The following EIF2AK1 variants were observed in gnomAD, a reference collection of about 807,000 sequenced individuals.
The protein encoded by EIF2AK1 is eukaryotic translation initiation factor 2 alpha kinase 1, also known as eukaryotic translation initiation factor 2-alpha kinase 1.
A neutral mutation model predicts 77.9 loss-of-function variants in EIF2AK1; 54 were observed. The observed-to-expected ratio is 0.69, with a 90% CI of 0.56 to 0.87. EIF2AK1 has a LOEUF of 0.87. Among genes scored for constraint, EIF2AK1 ranks in the 40% least tolerant of loss-of-function variants. The pLI is 0.00. For missense variants in EIF2AK1, 810 were observed against 768.6 expected, an observed-to-expected ratio of 1.05 and a Z score of -0.64; for synonymous variants, 314 against 290.5, an observed-to-expected ratio of 1.08 and a Z score of -0.82.
At chr7:6,045,117 T>C (rs1223656773) in intron 6 of EIF2AK1, among the ~76,000 whole-genome samples, 1 of 152,020 alleles carries the variant, frequency 6.6e-6, no homozygotes, top group Non-Finnish European at 1.5e-5. Flanking sequence ...AAATTTTTTT[T>C]TTTTTTTTGA....
intron 4 of EIF2AK1, among the ~76,000 whole-genome samples, chr7:6,048,379 A>G (rs868782590): frequency 6.6e-5 from 10 of 152,226 alleles, no homozygotes; most frequent in African/African-American, 2.4e-4. Context: ...TGTTTTCAAG[A>G]TTCATCCATA....
chr7:6,041,045 G>C lies in EIF2AK1; in HGVS notation c.966C>G (p.Thr322=). The change falls in exon 9 of 15, where the codon ACC becomes ACG. Residue 322 remains threonine, a synonymous_variant. Transcript: ENST00000199389. ...CCAAGCCATTTTCCTGGAGCTCCAG[G>C]GTCGACTCAAGTTCACCAGATTCTC... The part of the protein sequence containing the change: ...VIRESGELES[T]LELQENGLAG... 2.5e-6 allele frequency: 4 copies of C among 1,614,052 alleles called. No homozygotes were observed. Among genetic ancestry groups the C allele is most frequent in the Non-Finnish European group, 2.5e-6 (3 of 1,180,014 alleles).
Position 6,024,782 on chromosome 7 carries a change from A to C in EIF2AK1, c.1784T>G (p.Met595Arg), listed in dbSNP as rs1787691130. The change falls in exon 15 of 15, where the codon ATG becomes AGG. Residue 595 changes from methionine to arginine, a missense_variant. Met to Arg is a moderately conservative substitution (Grantham distance 91). Around this residue, in one of 3 missense-constraint regions of EIF2AK1, gnomAD observed 549 missense variants for 533.7 expected, o/e 1.03. Coordinates refer to ENST00000199389, the MANE Select transcript of EIF2AK1 (RefSeq NM_014413.4). ...NSGNVNLTLQ[M>R]KIIEQEKEIA... ...TTCTTTTTCTTGCTCTATTATCTTC[A>C]TCTGTAGGGTGAGGTTAACCTGTAA... 1.9e-6 allele frequency: 3 copies of C among 1,562,930 alleles called. No homozygotes were observed. The highest frequency in any genetic ancestry group is 2.6e-6 in the Non-Finnish European group (3 of 1,160,994).
At position 6,036,067 on chromosome 7, in the gene EIF2AK1, C is replaced by CT. The variant is rs1356579424; in HGVS notation, c.1332+1356dup. On this transcript the variant is annotated intron_variant, in intron 11 of 14. Coordinates refer to ENST00000199389, the MANE Select transcript of EIF2AK1 (RefSeq NM_014413.4). This position sits in a 1 kb window ranked among gnomAD's most constrained non-coding sequence, Gnocchi z 4.6. ...AACATTTTAACAAGAAACGGGGAAT[C>CT]TCCAATTTATATGTACCTTCAGCGC... 48 of 1,550,878 alleles carry CT rather than the reference C, an allele frequency of 3.1e-5. No individual in the cohort carries two copies. The highest frequency in any genetic ancestry group is 4.0e-5 in the Non-Finnish European group (46 of 1,147,124).
rs185307534 is a variant in EIF2AK1 at position 6,039,788 on chromosome 7, T to A, written c.1119+1104A>T. 8.9e-3 allele frequency among the ~76,000 whole-genome samples: 1,325 copies of A among 149,164 alleles called. 12 individuals carry two copies. The highest frequency in any genetic ancestry group is 0.014 in the Non-Finnish European group (922 of 67,478). ...TGTCTCTACTAAAAATACAAAAAAA[T>A]TAGCTGGGCGTGGTGGTGGGCGCCT... On this transcript the variant is annotated intron_variant, in intron 9 of 14. Transcript: ENST00000199389.
chr7:6,058,599 C>A (rs1307828153), intron 1 of EIF2AK1, among the ~76,000 whole-genome samples: 1 of 152,184 alleles, frequency 6.6e-6, no homozygotes, highest in Non-Finnish European at 1.5e-5. Context: ...GTATAGTTTG[C>A]AAAGTCTCCT....
At chr7:6,058,796 AC>A (rs1788867433) in intron 1 of EIF2AK1, among the ~76,000 whole-genome samples, 169 bp downstream of exon 1, 1 of 152,134 alleles carries the variant, frequency 6.6e-6, no homozygotes, top group Admixed American at 6.5e-5. Context: ...ACCTTACCCG[AC>A]GGCCCGCCCG....
chr7:6,031,307 T>G, intron 11 of EIF2AK1: 1 of 1,395,094 alleles, frequency 7.2e-7, no homozygotes, highest in African/African-American at 1.4e-5. Flanking sequence ...ACTGAAAGAA[T>G]CATCACAAAG....
At chr7:6,026,641 C>T (rs1583473765) in intron 14 of EIF2AK1, 87 bp downstream of exon 14, 13 of 1,072,578 alleles carry the variant, frequency 1.2e-5, no homozygotes, top group Admixed American at 3.8e-5. Flanking sequence ...CCCCAGCCTC[C>T]GGGGGCACCA....
intron 11 of EIF2AK1, among the ~76,000 whole-genome samples, chr7:6,034,616 C>A (rs752775962): frequency 1.3e-5 from 2 of 152,234 alleles, no homozygotes; most frequent in African/African-American, 2.4e-5. Flanking sequence ...ATAAGCCCTA[C>A]AAAGGTAGGG....
chr7:6,028,715 A>G lies in EIF2AK1; in HGVS notation c.1448-18T>C. On this transcript the variant is annotated intron_variant, in intron 12 of 14. Coordinates refer to ENST00000199389, the MANE Select transcript of EIF2AK1 (RefSeq NM_014413.4). ...TGGTGTTCCTATCATTTCAAAAGCC[A>G]CATATTAAACATTGCAGTTAGCGCT... 9 of 1,610,730 alleles carry G rather than the reference A, an allele frequency of 5.6e-6. No homozygotes were observed. The highest frequency in any genetic ancestry group is 1.3e-5 in the African/African-American group (1 of 75,006).
At chr7:6,048,784 T>C in intron 4 of EIF2AK1, 23 bp downstream of exon 4, 1 of 1,557,256 alleles carries the variant, frequency 6.4e-7, no homozygotes. Flanking sequence ...GTCTGCATAA[T>C]CAAGAAAGTT....
intron 2 of EIF2AK1, 27 bp from the exon 3 acceptor site, chr7:6,050,072 A>G (rs1583496506): frequency 2.5e-6 from 4 of 1,574,350 alleles, no homozygotes; most frequent in Middle Eastern, 3.4e-4. Flanking sequence ...AAAAACTATT[A>G]TTAGAAACAT....
rs919845374 is a variant in EIF2AK1 at position 6,022,665 on chromosome 7, CTGAG to C, written c.*2004_*2007del. On this transcript the variant is annotated 3_prime_UTR_variant, in exon 15 of 15. Coordinates refer to ENST00000199389, the MANE Select transcript of EIF2AK1 (RefSeq NM_014413.4). Reference sequence around the variant, plus strand: ...TGTTCGTCTGCAAAATTTAGGGTCTCTGAGTGAGACACAGCTCAAGGGGGGGACT... The same window carrying C: ...TGTTCGTCTGCAAAATTTAGGGTCTCTGAGACACAGCTCAAGGGGGGGACT... 2 of 152,000 alleles carry C rather than the reference CTGAG, an allele frequency of 1.3e-5. No individual in the cohort carries two copies. Among genetic ancestry groups the C allele is most frequent in the African/African-American group, 2.4e-5 (1 of 41,322 alleles). 9.4% of individuals were successfully genotyped at this position (152,000 alleles called of 1,614,324 possible).
At chr7:6,058,730 G>A (rs1010119401) in intron 1 of EIF2AK1, among the ~76,000 whole-genome samples, 4 of 152,224 alleles carry the variant, frequency 2.6e-5, no homozygotes, top group African/African-American at 7.2e-5. Context: ...AGGAAACCAA[G>A]GAACAGAAAT....
Position 6,036,466 on chromosome 7 carries a change from T to C in EIF2AK1, c.1332+958A>G. ...TTCTGGCTAGACATGTCCCAGAAAA[T>C]GCTTCACCTATCACCTGTGACATCC... On this transcript the variant is annotated intron_variant, in intron 11 of 14. Coordinates refer to ENST00000199389, the MANE Select transcript of EIF2AK1 (RefSeq NM_014413.4). The surrounding 1 kb of genome is among the most constrained non-coding windows in gnomAD (Gnocchi z 4.6). 9.8e-7 allele frequency: 1 copy of C among 1,018,142 alleles called. No homozygotes were observed. The highest frequency in any genetic ancestry group is 1.4e-6 in the Non-Finnish European group (1 of 732,270). The allele number at this position is 1,018,142 out of a possible 1,614,324, so 63.1% of individuals were successfully genotyped here.
In EIF2AK1 at chr7:6,024,743, T is replaced by C; in HGVS notation, c.1823A>G (p.Lys608Arg). The change falls in exon 15 of 15, where the codon AAG (lysine) becomes AGG (arginine). Residue 608 changes from lysine to arginine, a missense_variant. Coordinates refer to ENST00000199389, the MANE Select transcript of EIF2AK1 (RefSeq NM_014413.4). ...TTGAGAAAGGAGGTTTAGCTGCTTCTTTAGTTCTGCAATTTCTTTTTCTTG... is the reference window on the plus strand; with the variant it reads ...TTGAGAAAGGAGGTTTAGCTGCTTCCTTAGTTCTGCAATTTCTTTTTCTTG... The part of the protein sequence containing the change: ...IEQEKEIAEL[K>R]KQLNLLSQDK... The C allele has an allele frequency of 1.3e-6, 2 of 1,599,156 alleles. No individual in the cohort carries two copies. Among genetic ancestry groups the C allele is most frequent in the Non-Finnish European group, 1.7e-6 (2 of 1,175,662 alleles).
rs189709751 is a variant in EIF2AK1, at chr7:6,036,650, G to A, written c.1332+774C>T. On this transcript the variant is annotated intron_variant, in intron 11 of 14. Transcript: ENST00000199389. The surrounding 1 kb of genome is among the most constrained non-coding windows in gnomAD (Gnocchi z 4.6). Reference sequence around the variant, plus strand: ...ATTAATTTAAATCTCTTCAGCCAAAGACACAAATATATTTTCTCTCTTTCT... The same window carrying A: ...ATTAATTTAAATCTCTTCAGCCAAAAACACAAATATATTTTCTCTCTTTCT... Among the ~76,000 whole-genome samples, 196 of 150,946 alleles carry A rather than the reference G, an allele frequency of 1.3e-3. 1 individual carries two copies. Among genetic ancestry groups the A allele is most frequent in the Non-Finnish European group, 1.3e-3 (86 of 67,854 alleles).
rs181802492 is a variant in EIF2AK1, at chr7:6,031,464, C to T, written c.1333-2432G>A. The T allele has an allele frequency of 2.0e-4, 306 of 1,550,702 alleles. 2 individuals carry two copies. In the African/African-American group the frequency reaches 2.8e-3, roughly 14 times the overall value. On this transcript the variant is annotated intron_variant, in intron 11 of 14. Transcript: ENST00000199389. The stretch of plus-strand genomic sequence containing the variant: ...GATGGCCCATCTGCAGCACTTCACT[C>T]GAAACTCTATGAAGCCATCATGAGA...
Sources: gnomAD v4.1 joint callset for allele counts (sites outside exome capture counted in the v4.1 genomes callset) on GRCh38, gnomAD v4.1.1 for gene constraint, gnomAD v4.1.1 regional missense constraint, Gnocchi (gnomAD v3.1) non-coding constraint, MANE v1.5 for transcripts, NCBI Gene and HGNC (gene_info 2026-07-23, HGNC 2026-07-21) for gene names.